NUP58: variants seen among roughly 807,000 people sequenced by gnomAD.
The protein encoded by NUP58 is nucleoporin 58.
NUP58 carries 17 observed loss-of-function variants against 70.1 expected under a neutral mutation model. The observed-to-expected ratio is 0.24, with a 90% CI of 0.17 to 0.36. The LOEUF (loss-of-function observed/expected upper bound fraction) is 0.36, where lower values mean the gene tolerates loss of function less well. NUP58 is among the 10% of genes least tolerant of loss of function. The pLI is 1.00. For missense variants in NUP58, 644 were observed against 701.5 expected, an observed-to-expected ratio of 0.92 and a Z score of 0.93; for synonymous variants, 275 against 257.6, an observed-to-expected ratio of 1.07 and a Z score of -0.65.
intron 9 of NUP58, among the ~76,000 whole-genome samples, chr13:25,324,696 A>G (rs2031322959): frequency 6.6e-6 from 1 of 152,224 alleles, no homozygotes; most frequent in Non-Finnish European, 1.5e-5. Context: ...TTTAAGTAGT[A>G]GTATAATCTT....
intron 2 of NUP58, chr13:25,308,247 T>G (rs979638709): frequency 4.5e-6 from 1 of 221,102 alleles, no homozygotes; most frequent in Non-Finnish European, 8.9e-6. Context: ...CTTTATCAAT[T>G]TGGAACATTA....
downstream of NUP58, among the ~76,000 whole-genome samples, chr13:25,347,281 G>A (rs979966237): frequency 6.6e-6 from 1 of 152,160 alleles, no homozygotes; most frequent in African/African-American, 2.4e-5. Context: ...AATGAGTGAA[G>A]AGAATACCTT....
At chr13:25,348,305 T>C (rs2032072697) in intron 3 of NUP58, among the ~76,000 whole-genome samples, 1 of 152,214 alleles carries the variant, frequency 6.6e-6, no homozygotes, top group Admixed American at 6.5e-5. Flanking sequence ...ATTCTTTAGG[T>C]ATAAAATTCA....
Position 25,340,237 on chromosome 13 carries a change from AAGTTTTG to A in NUP58, c.*105_*111del, listed in dbSNP as rs2031913422. On this transcript the variant is annotated 3_prime_UTR_variant, in exon 16 of 16. Coordinates refer to ENST00000381736, the MANE Select transcript of NUP58 (RefSeq NM_014089.4). ...TAAATTGCATCCCAGGAGATTTATA[AAGTTTTG>A]ATATTTTTCCCTACTCTGGAATTTG... 1.8e-6 allele frequency: 2 copies of A among 1,126,750 alleles called. No individual in the cohort carries two copies. The highest frequency in any genetic ancestry group is 4.5e-5 in the South Asian group (2 of 44,062). 69.8% of individuals were successfully genotyped at this position (1,126,750 alleles called of 1,614,324 possible). A position where few individuals can be genotyped will look rare whatever the true frequency, so the allele number is the denominator to read the frequency against.
chr13:25,319,452 G>A, intron 7 of NUP58, 102 bp downstream of exon 7: 2 of 1,158,926 alleles, frequency 1.7e-6, no homozygotes, highest in African/African-American at 1.5e-5. Flanking sequence ...TATACATTTA[G>A]GAGAAAAAAC....
intron 14 of NUP58, among the ~76,000 whole-genome samples, chr13:25,337,881 C>A (rs2031839759): frequency 6.6e-6 from 1 of 152,102 alleles, no homozygotes; most frequent in Non-Finnish European, 1.5e-5. Flanking sequence ...TTTAGATAAG[C>A]TATTGCAAAA....
At chr13:25,327,889 T>C (rs2031457092) in intron 12 of NUP58, among the ~76,000 whole-genome samples, 1 of 152,102 alleles carries the variant, frequency 6.6e-6, no homozygotes. Flanking sequence ...TTTACTACTA[T>C]AAATAGCACT....
At chr13:25,311,496 C>G (rs1485207042) in intron 3 of NUP58, among the ~76,000 whole-genome samples, 1 of 152,064 alleles carries the variant, frequency 6.6e-6, no homozygotes, top group Non-Finnish European at 1.5e-5. Flanking sequence ...CTGTCTCAGC[C>G]TCCCGAGTAG....
intron 13 of NUP58, chr13:25,335,837 C>CT: frequency 9.9e-7 from 1 of 1,008,956 alleles, no homozygotes; most frequent in South Asian, 4.1e-5. Context: ...TTTGACAGTT[C>CT]CCTCATCTTT....
In NUP58 at chr13:25,303,913, A is replaced by G. The variant is rs532444424; in HGVS notation, c.107+2033A>G. Among the ~76,000 whole-genome samples, 22 of 152,298 alleles carry G rather than the reference A, an allele frequency of 1.4e-4. No individual in the cohort carries two copies. In the South Asian group the frequency reaches 4.3e-3, roughly 30 times the overall value. Reference sequence around the variant, plus strand: ...GTAATAAGCTATAAAAAATTACCCAAGTTTTAGAGAGGCTTGGATAAATTA... The same window carrying G: ...GTAATAAGCTATAAAAAATTACCCAGGTTTTAGAGAGGCTTGGATAAATTA... On this transcript the variant is annotated intron_variant, in intron 1 of 15. Coordinates refer to ENST00000381736, the MANE Select transcript of NUP58 (RefSeq NM_014089.4).
At chr13:25,324,576 TGGTACATAGCAA>T (rs1213408562) in intron 9 of NUP58, among the ~76,000 whole-genome samples, 1 of 152,170 alleles carries the variant, frequency 6.6e-6, no homozygotes, top group Non-Finnish European at 1.5e-5. Flanking sequence ...GCATAGTGTT[TGGTACATAGCAA>T]GCACCCAAAT....
At position 25,342,372 on chromosome 13, in the gene NUP58, CTAT is replaced by C. The variant is rs2031983400; in HGVS notation, c.*2245_*2247del. ...TGTCTCCATTGTCTTTGTCCAGAGC[CTAT>C]TATTATGGAAACAATAAAATTTATT... On this transcript the variant is annotated 3_prime_UTR_variant, in exon 16 of 16. Coordinates refer to ENST00000381736, the MANE Select transcript of NUP58 (RefSeq NM_014089.4). 2.0e-5 allele frequency: 3 copies of C among 152,540 alleles called. No homozygotes were observed. The highest frequency in any genetic ancestry group is 1.3e-4 in the Admixed American group (2 of 15,284). 9.4% of individuals were successfully genotyped at this position (152,540 alleles called of 1,614,324 possible). A position where few individuals can be genotyped will look rare whatever the true frequency, so the allele number is the denominator to read the frequency against.
intron 9 of NUP58, among the ~76,000 whole-genome samples, chr13:25,321,831 C>T (rs917078471): frequency 3.0e-4 from 46 of 152,192 alleles, no homozygotes; most frequent in African/African-American, 1.0e-3. Context: ...GCAGGAGAAT[C>T]GCTTGAACCT....
At chr13:25,335,301 ACAAAAAG>A in intron 13 of NUP58, 1 of 985,340 alleles carries the variant, frequency 1.0e-6, no homozygotes, top group Non-Finnish European at 1.2e-6. Flanking sequence ...CCCACACACA[ACAAAAAG>A]CATGCTATTT....
chr13:25,324,534 A>G (rs985549468), intron 9 of NUP58, among the ~76,000 whole-genome samples: 1 of 152,288 alleles, frequency 6.6e-6, no homozygotes, highest in Admixed American at 6.5e-5. Flanking sequence ...CATTCCCTAC[A>G]TTGTAATGTT....
Position 25,313,625 on chromosome 13 carries a change from T to C in NUP58, c.448T>C (p.Phe150Leu), listed in dbSNP as rs2030783263. The C allele has an allele frequency of 6.6e-7, 1 of 1,510,350 alleles. No individual in the cohort carries two copies. The highest frequency in any genetic ancestry group is 1.5e-5 in the African/African-American group (1 of 67,946). 93.6% of individuals were successfully genotyped at this position (1,510,350 alleles called of 1,614,324 possible). Residue 150 changes from phenylalanine to leucine, a missense_variant, in exon 5 of 16, where the codon TTT becomes CTT. Transcript: ENST00000381736. ...CTCTCTTTTTATAGCATCCACAGGA[T>C]TTACTCTAAATAATTTGGGTGGGAC... ...LTSTPAASTG[F>L]TLNNLGGTTA...
At chr13:25,303,758 C>G (rs2137700266) in intron 1 of NUP58, among the ~76,000 whole-genome samples, 1 of 152,362 alleles carries the variant, frequency 6.6e-6, no homozygotes, top group East Asian at 1.9e-4. Context: ...ATGTCTCTCA[C>G]TGACTAGAAA....
At position 25,332,526 on chromosome 13, in the gene NUP58, T is replaced by A. The variant is rs140062977; in HGVS notation, c.1435+968T>A. 1.5e-5 allele frequency: 14 copies of A among 919,290 alleles called. No homozygotes were observed. In the African/African-American group the frequency reaches 2.4e-4, roughly 16 times the overall value. The allele number at this position is 919,290 out of a possible 1,614,324, so 56.9% of individuals were successfully genotyped here. On this transcript the variant is annotated intron_variant, in intron 13 of 15. Coordinates refer to ENST00000381736, the MANE Select transcript of NUP58 (RefSeq NM_014089.4). ...AGTTCCATATAGTCCAGTAGTACAT[T>A]ATAATACACACAAAAAAATTAATAC...
chr13:25,315,664 A>G (rs1489058778), intron 6 of NUP58, among the ~76,000 whole-genome samples, 197 bp downstream of exon 6: 1 of 120,240 alleles, frequency 8.3e-6, no homozygotes, highest in Non-Finnish European at 1.9e-5. Flanking sequence ...GTCTGTTCTT[A>G]TCTAACATCA....
Sources: allele counts gnomAD v4.1 joint callset (sites outside exome capture counted in the v4.1 genomes callset), GRCh38; gene constraint gnomAD v4.1.1; transcripts MANE v1.5; gene names NCBI Gene and HGNC (gene_info 2026-07-23, HGNC 2026-07-21).